LRRTM4: variants seen among roughly 807,000 people sequenced by gnomAD.
The protein encoded by LRRTM4 is leucine-rich repeat transmembrane neuronal protein 4.
Under a neutral mutation model 47.6 loss-of-function variants are expected in LRRTM4, and 25 were observed. The ratio of observed to expected loss-of-function variants is 0.53; its 90% confidence interval spans 0.38 to 0.73. The LOEUF is 0.73. Ranked by LOEUF, LRRTM4 falls within the 30% of genes least tolerant of loss-of-function variation. The pLI is 0.00. For missense variants in LRRTM4, 638 were observed against 713.4 expected (o/e 0.89, Z 1.20); for synonymous variants, 311 against 269.5 (o/e 1.15, Z -1.51).
At chr2:76,939,077 C>G (rs534551785) in intron 3 of LRRTM4, among the ~76,000 whole-genome samples, 1 of 152,100 alleles carries the variant, frequency 6.6e-6, no homozygotes, top group East Asian at 1.9e-4. Context: ...AATATTCAGA[C>G]TCCAACAACT....
At chr2:77,419,182 C>A (rs200289831) in intron 3 of LRRTM4, among the ~76,000 whole-genome samples, 1 of 152,050 alleles carries the variant, frequency 6.6e-6, no homozygotes, top group Admixed American at 6.6e-5. Flanking sequence ...TATTTATTTT[C>A]TTTGGCTTAC....
intron 3 of LRRTM4, among the ~76,000 whole-genome samples, chr2:77,087,625 A>G (rs984209171): frequency 6.6e-6 from 1 of 152,240 alleles, no homozygotes; most frequent in African/African-American, 2.4e-5. Flanking sequence ...ATCAGTGAGA[A>G]TTATCAGGAA....
chr2:77,202,915 A>G (rs1197746301), intron 3 of LRRTM4, among the ~76,000 whole-genome samples: 1 of 152,110 alleles, frequency 6.6e-6, no homozygotes, highest in Admixed American at 6.6e-5. Flanking sequence ...ATGTTCAAAC[A>G]CAGCCAGAGT....
chr2:77,250,616 T>C lies in LRRTM4; in HGVS notation c.1551+267702A>G, dbSNP rs141685426. On this transcript the variant is annotated intron_variant, in intron 3 of 3. Transcript: ENST00000409884. ...ATTTAAATGTACATATATGCATTAATTGGTAAAGTAAAATATGAACACAAA... is the reference window on the plus strand; with the variant it reads ...ATTTAAATGTACATATATGCATTAACTGGTAAAGTAAAATATGAACACAAA... Among the ~76,000 whole-genome samples, 36 of 152,324 alleles carry C rather than the reference T, an allele frequency of 2.4e-4. No homozygotes were observed. The East Asian group carries it at 6.6e-3, about 28-fold the overall frequency.
chr2:77,447,541 G>T (rs1676101547), intron 3 of LRRTM4, among the ~76,000 whole-genome samples: 1 of 151,970 alleles, frequency 6.6e-6, no homozygotes, highest in African/African-American at 2.4e-5. Context: ...CCCTCCTTCT[G>T]TCACTTTATA....
At chr2:77,040,610 C>A (rs1046765079) in intron 3 of LRRTM4, among the ~76,000 whole-genome samples, 8 of 151,230 alleles carry the variant, frequency 5.3e-5, no homozygotes, top group African/African-American at 1.7e-4. Context: ...GGCTTATTTA[C>A]TCAAACACAG....
At chr2:76,940,575 A>G (rs1438224505) in intron 3 of LRRTM4, among the ~76,000 whole-genome samples, 4 of 152,158 alleles carry the variant, frequency 2.6e-5, no homozygotes, top group African/African-American at 9.7e-5. Flanking sequence ...AATCTGTACA[A>G]CAAACCCCCA....
intron 3 of LRRTM4, among the ~76,000 whole-genome samples, chr2:77,196,236 T>G (rs1333741340): frequency 6.6e-6 from 1 of 152,174 alleles, no homozygotes; most frequent in Non-Finnish European, 1.5e-5. Context: ...CAGAGTGATG[T>G]TGCAAGATAT....
chr2:76,750,880 C>G (rs985697876), intron 3 of LRRTM4, among the ~76,000 whole-genome samples: 1 of 152,118 alleles, frequency 6.6e-6, no homozygotes, highest in Non-Finnish European at 1.5e-5. Context: ...GTTTTTAAGT[C>G]TTAGATTAAA....
At chr2:77,130,062 T>A (rs1671755684) in intron 3 of LRRTM4, among the ~76,000 whole-genome samples, 1 of 152,172 alleles carries the variant, frequency 6.6e-6, no homozygotes, top group South Asian at 2.1e-4. Context: ...ATGTTTAGTA[T>A]CCAAAGACTA....
chr2:76,970,043 T>C (rs951384515), intron 3 of LRRTM4, among the ~76,000 whole-genome samples: 2 of 151,942 alleles, frequency 1.3e-5, no homozygotes, highest in East Asian at 1.9e-4. Context: ...GAAGATGAAA[T>C]TGAAACCCAC....
At chr2:77,172,659 A>G (rs990003658) in intron 3 of LRRTM4, among the ~76,000 whole-genome samples, 1 of 152,190 alleles carries the variant, frequency 6.6e-6, no homozygotes, top group African/African-American at 2.4e-5. Flanking sequence ...AAACAATAGC[A>G]TTCTTTTACC....
chr2:76,791,986 T>G (rs1351587225), intron 3 of LRRTM4, among the ~76,000 whole-genome samples: 1 of 152,194 alleles, frequency 6.6e-6, no homozygotes, highest in Non-Finnish European at 1.5e-5. Context: ...GTCATAAATT[T>G]CATTACTTTC....
chr2:77,075,909 C>T (rs1170349338), intron 3 of LRRTM4, among the ~76,000 whole-genome samples: 3 of 53,374 alleles, frequency 5.6e-5, no homozygotes, highest in African/African-American at 2.8e-4. Context: ...AGCGAGACTC[C>T]GTCTCAAAAA....
At chr2:76,868,222 A>G (rs1162909999) in intron 3 of LRRTM4, among the ~76,000 whole-genome samples, 1 of 152,216 alleles carries the variant, frequency 6.6e-6, no homozygotes, top group Admixed American at 6.5e-5. Flanking sequence ...AAAAATCTCA[A>G]AACAAAGGTA....
intron 3 of LRRTM4, among the ~76,000 whole-genome samples, chr2:77,201,349 T>G (rs1673969347): frequency 6.6e-6 from 1 of 152,120 alleles, no homozygotes; most frequent in Non-Finnish European, 1.5e-5. Flanking sequence ...TCCTTGCTTT[T>G]GCCTAGAGTT....
intron 3 of LRRTM4, among the ~76,000 whole-genome samples, chr2:77,452,517 A>G (rs533236909): frequency 6.6e-6 from 1 of 152,276 alleles, no homozygotes; most frequent in South Asian, 2.1e-4. Flanking sequence ...AATAGAGCAA[A>G]ATTATTTCAA....
At chr2:76,865,916 G>A (rs1421605242) in intron 3 of LRRTM4, among the ~76,000 whole-genome samples, 1 of 152,022 alleles carries the variant, frequency 6.6e-6, no homozygotes, top group Non-Finnish European at 1.5e-5. Flanking sequence ...TATGAAAAAT[G>A]TTTTGACTAT....
In LRRTM4 at chr2:77,518,397, G is replaced by T; in HGVS notation, c.1472C>A (p.Thr491Lys). The T allele has an allele frequency of 6.2e-7, 1 of 1,613,070 alleles. No homozygotes were observed. The highest frequency in any genetic ancestry group is 8.5e-7 in the Non-Finnish European group (1 of 1,179,468). The part of the protein sequence containing the change: ...LQEYYVDYKP[T>K]NSETMDISVN... The stretch of plus-strand genomic sequence containing the variant: ...CGATATATCCATGGTCTCAGAGTTT[G>T]TAGGCTTGTAGTCCACATAATACTC... The change falls in exon 3 of 4, where the codon ACA (threonine) becomes AAA (lysine). Residue 491 changes from threonine to lysine, a missense_variant. Transcript: ENST00000409884.
Sources: gnomAD v4.1 joint callset for allele counts (sites outside exome capture counted in the v4.1 genomes callset) on GRCh38, gnomAD v4.1.1 for gene constraint, MANE v1.5 for transcripts, NCBI Gene and HGNC (gene_info 2026-07-23, HGNC 2026-07-21) for gene names.